ROBO1: variants seen among roughly 807,000 people sequenced by gnomAD.
The protein encoded by ROBO1 is roundabout guidance receptor 1, also known as roundabout homolog 1.
Under a neutral mutation model 195.9 loss-of-function variants are expected in ROBO1, and 149 were observed. The observed-to-expected ratio is 0.76, with a 90% CI of 0.67 to 0.87. The LOEUF (loss-of-function observed/expected upper bound fraction) is 0.87. Ranked by LOEUF, ROBO1 falls within the 40% of genes least tolerant of loss-of-function variation. The probability of loss-of-function intolerance (pLI) is 0.00; values close to 1 mark genes in which losing one functional copy is unlikely to be tolerated. For synonymous variants in ROBO1, 816 were observed against 733.2 expected (o/e 1.11, Z -1.82); for missense variants, 1,933 against 2,068.3 (o/e 0.93, Z 1.27).
chr3:79,578,036 A>T (rs1943550712), intron 2 of ROBO1, among the ~76,000 whole-genome samples: 1 of 149,824 alleles, frequency 6.7e-6, no homozygotes. Context: ...GAACAAATAC[A>T]GATGACACAT....
At chr3:79,220,533 G>T (rs2082120139) in intron 2 of ROBO1, among the ~76,000 whole-genome samples, 1 of 151,908 alleles carries the variant, frequency 6.6e-6, no homozygotes, top group Non-Finnish European at 1.5e-5. Context: ...ATAAAGAGAT[G>T]AAGTCAATGT....
intron 2 of ROBO1, among the ~76,000 whole-genome samples, chr3:79,567,698 T>C (rs1943135601): frequency 6.6e-6 from 1 of 152,146 alleles, no homozygotes; most frequent in Admixed American, 6.5e-5. Context: ...ATGAGTGCCA[T>C]TGAATAATAT....
chr3:78,944,583 G>C (rs1177276766), intron 3 of ROBO1, among the ~76,000 whole-genome samples: 1 of 152,236 alleles, frequency 6.6e-6, no homozygotes, highest in African/African-American at 2.4e-5. Flanking sequence ...CTCCCAGGGG[G>C]AGCAACGCAG....
At chr3:79,580,630 GA>G (rs1943630355) in intron 2 of ROBO1, among the ~76,000 whole-genome samples, 1 of 151,948 alleles carries the variant, frequency 6.6e-6, no homozygotes, top group Admixed American at 6.6e-5. Context: ...AATTTAAAAT[GA>G]AAACATACTG....
intron 2 of ROBO1, among the ~76,000 whole-genome samples, chr3:79,256,411 C>T (rs1030587197): frequency 6.6e-6 from 1 of 151,900 alleles, no homozygotes; most frequent in African/African-American, 2.4e-5. Flanking sequence ...TTGATTAAAA[C>T]CAGTGGAACA....
intron 2 of ROBO1, among the ~76,000 whole-genome samples, chr3:79,586,301 A>G (rs1276771013): frequency 1.3e-5 from 2 of 151,986 alleles, no homozygotes; most frequent in African/African-American, 2.4e-5. Context: ...TGGATGATTC[A>G]GACCCAGTTA....
intron 1 of ROBO1, among the ~76,000 whole-genome samples, chr3:79,606,619 C>T (rs1944494293): frequency 2.6e-5 from 4 of 151,848 alleles, no homozygotes; most frequent in South Asian, 2.1e-4. Context: ...CTACTACTGT[C>T]CACTGTGTCA....
intron 2 of ROBO1, among the ~76,000 whole-genome samples, chr3:79,166,076 G>A (rs550470113): frequency 5.3e-5 from 8 of 152,194 alleles, no homozygotes; most frequent in South Asian, 2.1e-4. Flanking sequence ...CAACAATAGC[G>A]CAAACCAACT....
chr3:79,278,237 A>T (rs760998480), intron 2 of ROBO1, among the ~76,000 whole-genome samples: 1 of 152,142 alleles, frequency 6.6e-6, no homozygotes, highest in Non-Finnish European at 1.5e-5. Context: ...TGTCCATACT[A>T]CCCATATGAA....
At chr3:79,237,975 G>A (rs1171344824) in intron 2 of ROBO1, among the ~76,000 whole-genome samples, 4 of 152,116 alleles carry the variant, frequency 2.6e-5, no homozygotes, top group African/African-American at 9.7e-5. Flanking sequence ...GCGGTCTTCT[G>A]TCACACCTGA....
chr3:79,207,530 A>G (rs973409793), intron 2 of ROBO1, among the ~76,000 whole-genome samples: 1 of 152,202 alleles, frequency 6.6e-6, no homozygotes, highest in African/African-American at 2.4e-5. Context: ...TGAGATTTCT[A>G]TAATGAGAGA....
At chr3:79,506,663 T>C (rs1940415006) in intron 2 of ROBO1, among the ~76,000 whole-genome samples, 1 of 152,180 alleles carries the variant, frequency 6.6e-6, no homozygotes, top group Non-Finnish European at 1.5e-5. Flanking sequence ...CAGGATGGTC[T>C]CGATCTCCTG....
At chr3:78,807,797 C>A (rs2084594198) in intron 4 of ROBO1, among the ~76,000 whole-genome samples, 1 of 152,156 alleles carries the variant, frequency 6.6e-6, no homozygotes, top group African/African-American at 2.4e-5. Context: ...AAGACTGAAG[C>A]TCTCAAGGGA....
intron 3 of ROBO1, among the ~76,000 whole-genome samples, chr3:78,973,939 C>T (rs1304682753): frequency 2.6e-5 from 4 of 151,838 alleles, no homozygotes; most frequent in Non-Finnish European, 4.4e-5. Context: ...CTTACAAATA[C>T]GTAATCAGCA....
chr3:79,113,468 TA>T (rs1226367293), intron 3 of ROBO1, among the ~76,000 whole-genome samples: 2 of 151,860 alleles, frequency 1.3e-5, no homozygotes, highest in Non-Finnish European at 2.9e-5. Flanking sequence ...CACATCCCTG[TA>T]AAAAAATGAA....
At chr3:78,865,172 C>T (rs867862905) in intron 4 of ROBO1, among the ~76,000 whole-genome samples, 1 of 152,114 alleles carries the variant, frequency 6.6e-6, no homozygotes, top group Non-Finnish European at 1.5e-5. Context: ...AGTACTCAAC[C>T]ACAGATCCCT....
Position 79,617,265 on chromosome 3 carries a change from A to G in ROBO1, c.-50-27304T>C, listed in dbSNP as rs186882666. 3.3e-3 allele frequency among the ~76,000 whole-genome samples: 504 copies of G among 152,256 alleles called. 1 individual carries two copies. Among genetic ancestry groups the G allele is most frequent in the Non-Finnish European group, 5.9e-3 (400 of 68,012 alleles). ...GAGCCAGCTCTTAGTTGTAATTGCC[A>G]TCTACTGGACTGGAGGCTGAATTTC... On this transcript the variant is annotated intron_variant, in intron 1 of 30. Coordinates refer to ENST00000464233, the MANE Select transcript of ROBO1 (RefSeq NM_002941.4).
intron 2 of ROBO1, among the ~76,000 whole-genome samples, chr3:79,230,848 C>T (rs1398614496): frequency 6.6e-6 from 1 of 152,102 alleles, no homozygotes; most frequent in African/African-American, 2.4e-5. Flanking sequence ...ATGAAAACAG[C>T]ATGGTATTGA....
intron 21 of ROBO1, among the ~76,000 whole-genome samples, chr3:78,643,589 G>A (rs1310902990): frequency 1.3e-5 from 2 of 152,126 alleles, no homozygotes; most frequent in Admixed American, 6.6e-5. Context: ...GTAGGGTCTG[G>A]CACATTTTGA....
Sources: allele counts gnomAD v4.1 joint callset (sites outside exome capture counted in the v4.1 genomes callset), GRCh38; gene constraint gnomAD v4.1.1; transcripts MANE v1.5; gene names NCBI Gene and HGNC (gene_info 2026-07-23, HGNC 2026-07-21).